The following CSMD3 variants were observed in gnomAD, a reference collection of about 807,000 sequenced individuals.
The protein encoded by CSMD3 is CUB and sushi domain-containing protein 3.
A neutral mutation model predicts 435.2 loss-of-function variants in CSMD3; 177 were observed. That is an observed-to-expected ratio of 0.41 (90% CI 0.36 to 0.46). CSMD3 has a LOEUF of 0.46. Ranked by LOEUF, CSMD3 falls within the 20% of genes least tolerant of loss-of-function variation. The probability of loss-of-function intolerance (pLI) is 0.34; values close to 1 mark genes in which losing one functional copy is unlikely to be tolerated. For synonymous variants in CSMD3, 1,656 were observed against 1,520.5 expected (o/e 1.09, Z -2.07); for missense variants, 4,265 against 4,504.6 (o/e 0.95, Z 1.52).
intron 3 of CSMD3, among the ~76,000 whole-genome samples, chr8:113,236,361 C>A (rs777772227): frequency 6.6e-6 from 1 of 152,310 alleles, no homozygotes; most frequent in South Asian, 2.1e-4. Flanking sequence ...CAGTAAACTT[C>A]TTTGCTTACT....
intron 12 of CSMD3, among the ~76,000 whole-genome samples, chr8:112,815,475 A>C (rs1224047936): frequency 6.6e-6 from 1 of 152,162 alleles, no homozygotes; most frequent in Non-Finnish European, 1.5e-5. Context: ...TGGATACTTC[A>C]TTGTATATAT....
chr8:113,262,863 T>C (rs558819307), intron 3 of CSMD3, among the ~76,000 whole-genome samples: 1 of 152,216 alleles, frequency 6.6e-6, no homozygotes, highest in East Asian at 1.9e-4. Flanking sequence ...TTTTAAGACC[T>C]GAGCTAAGAA....
At chr8:112,258,836 G>C (rs868728009) in intron 61 of CSMD3, among the ~76,000 whole-genome samples, 1 of 152,008 alleles carries the variant, frequency 6.6e-6, no homozygotes, top group South Asian at 2.1e-4. Flanking sequence ...TCAGGAGATC[G>C]AGACCATCCT....
chr8:112,449,456 C>T (rs547824427), intron 32 of CSMD3, among the ~76,000 whole-genome samples: 3 of 151,892 alleles, frequency 2.0e-5, no homozygotes. Flanking sequence ...TGACAGGAGC[C>T]TGATGATGAA....
intron 36 of CSMD3, among the ~76,000 whole-genome samples, chr8:112,387,176 C>T (rs1371921986): frequency 6.6e-6 from 1 of 152,084 alleles, no homozygotes; most frequent in Non-Finnish European, 1.5e-5. Context: ...GTGGGAAATT[C>T]TCATGTAATA....
chr8:113,133,139 A>C (rs2091326597), intron 4 of CSMD3, among the ~76,000 whole-genome samples: 1 of 152,170 alleles, frequency 6.6e-6, no homozygotes, highest in Non-Finnish European at 1.5e-5. Flanking sequence ...GCAATCTGAA[A>C]AAATTTAAAG....
At chr8:113,115,566 G>A (rs921418484) in intron 4 of CSMD3, among the ~76,000 whole-genome samples, 2 of 152,162 alleles carry the variant, frequency 1.3e-5, no homozygotes, top group Admixed American at 6.6e-5. Flanking sequence ...GTCCTCTTGA[G>A]TCTGGCTTCT....
chr8:113,042,004 A>C (rs1186450829), intron 5 of CSMD3, among the ~76,000 whole-genome samples: 1 of 152,190 alleles, frequency 6.6e-6, no homozygotes, highest in Non-Finnish European at 1.5e-5. Flanking sequence ...ATGTTCTAAA[A>C]CATACTAGAA....
chr8:113,068,455 G>C (rs559871995), intron 5 of CSMD3, among the ~76,000 whole-genome samples: 1 of 152,286 alleles, frequency 6.6e-6, no homozygotes, highest in Admixed American at 6.5e-5. Context: ...GATGGGCAGA[G>C]TAACTATGAT....
At chr8:112,357,537 T>G (rs1826740139) in intron 38 of CSMD3, among the ~76,000 whole-genome samples, 1 of 152,144 alleles carries the variant, frequency 6.6e-6, no homozygotes, top group Non-Finnish European at 1.5e-5. Flanking sequence ...GGAAAATGTT[T>G]CCAGGGCATG....
rs1266393677 is a variant in CSMD3 at position 112,295,900 on chromosome 8, C to G, written c.8547G>C (p.Leu2849Phe). 6.2e-7 allele frequency: 1 copy of G among 1,613,936 alleles called. No individual in the cohort carries two copies. The change falls in exon 54 of 71, where the codon TTG becomes TTC. Residue 2849 changes from leucine (L) to phenylalanine (F), a missense_variant. By Grantham distance (22) the Leu-to-Phe change is conservative. Around this residue, in one of 3 missense-constraint regions of CSMD3, gnomAD observed 3,255 missense variants for 3,380.2 expected, o/e 0.96. Transcript: ENST00000297405. The part of the protein sequence containing the change: ...VVYQCNPGFR[L>F]IGSSVRICQQ... ...GACATATCCTCACTGAAGAACCAAT[C>G]AATCGAAAACCAGGATTACATTGAT...
chr8:112,843,134 C>CT (rs1455764206), intron 11 of CSMD3, among the ~76,000 whole-genome samples: 1 of 151,732 alleles, frequency 6.6e-6, no homozygotes, highest in African/African-American at 2.4e-5. Context: ...CTTCTCTGTG[C>CT]TTTTGTTTAC....
chr8:112,223,165 T>C lies in CSMD3; in HGVS notation c.*1606A>G. 2.5e-6 allele frequency: 1 copy of C among 397,510 alleles called. No individual in the cohort carries two copies. The highest frequency in any genetic ancestry group is 4.4e-6 in the Non-Finnish European group (1 of 225,072). The allele number at this position is 397,510 out of a possible 1,614,324, so 24.6% of individuals were successfully genotyped here. A position where few individuals can be genotyped will look rare whatever the true frequency, so the allele number is the denominator to read the frequency against. ...AGTCATTTGAATAAACAAGAATAAA[T>C]AACTGATGGCATAAAATTTAAAACT... On this transcript the variant is annotated 3_prime_UTR_variant, in exon 71 of 71. Coordinates refer to ENST00000297405, the MANE Select transcript of CSMD3 (RefSeq NM_198123.2).
intron 3 of CSMD3, among the ~76,000 whole-genome samples, chr8:113,246,443 T>C (rs1211323044): frequency 6.6e-6 from 1 of 152,134 alleles, no homozygotes; most frequent in Non-Finnish European, 1.5e-5. Context: ...TATCTTTTTA[T>C]TGTTATCTAA....
At chr8:112,777,017 G>A (rs1438674384) in intron 13 of CSMD3, among the ~76,000 whole-genome samples, 1 of 151,688 alleles carries the variant, frequency 6.6e-6, no homozygotes, top group African/African-American at 2.4e-5. Flanking sequence ...ACATTTTTTA[G>A]TATGTTATTT....
chr8:112,723,284 G>A (rs2131978315), intron 13 of CSMD3, among the ~76,000 whole-genome samples: 1 of 152,174 alleles, frequency 6.6e-6, no homozygotes, highest in East Asian at 1.9e-4. Context: ...CAGAACACAT[G>A]CTATTCCTAT....
At chr8:112,522,290 A>G (rs1230943157) in intron 27 of CSMD3, among the ~76,000 whole-genome samples, 1 of 151,874 alleles carries the variant, frequency 6.6e-6, no homozygotes, top group African/African-American at 2.4e-5. Flanking sequence ...ATTTTTCAAG[A>G]TATGTTGTTT....
chr8:112,503,238 CT>C (rs1412677681), intron 30 of CSMD3, among the ~76,000 whole-genome samples: 2 of 152,084 alleles, frequency 1.3e-5, no homozygotes, highest in African/African-American at 2.4e-5. Flanking sequence ...TATGACACCC[CT>C]CTTGACTAAT....
At chr8:112,726,181 C>G (rs1431641437) in intron 13 of CSMD3, among the ~76,000 whole-genome samples, 6 of 151,936 alleles carry the variant, frequency 3.9e-5, no homozygotes, top group Non-Finnish European at 8.8e-5. Context: ...ATTACCTCCA[C>G]CTGGTCTCTC....
Sources: gnomAD v4.1 joint callset for allele counts (sites outside exome capture counted in the v4.1 genomes callset) on GRCh38, gnomAD v4.1.1 for gene constraint, gnomAD v4.1.1 regional missense constraint, MANE v1.5 for transcripts, NCBI Gene and HGNC (gene_info 2026-07-23, HGNC 2026-07-21) for gene names.